COPS8: variants seen among roughly 807,000 people sequenced by gnomAD.
The protein encoded by COPS8 is COP9 signalosome complex subunit 8.
Under a neutral mutation model 31.5 loss-of-function variants are expected in COPS8, and 11 were observed. The observed-to-expected ratio is 0.35, with a 90% confidence interval of 0.22 to 0.58. The LOEUF (loss-of-function observed/expected upper bound fraction) is 0.58, where lower values mean the gene tolerates loss of function less well. COPS8 is among the 20% of genes least tolerant of loss of function. COPS8 has a pLI of 0.83. For missense variants in COPS8, 215 were observed against 255.1 expected, an observed-to-expected ratio of 0.84 and a Z score of 1.07; for synonymous variants, 81 against 89.3, an observed-to-expected ratio of 0.91 and a Z score of 0.52.
intron 7 of COPS8, among the ~76,000 whole-genome samples, chr2:237,097,367 T>C (rs542916222): frequency 2.4e-4 from 37 of 152,144 alleles, no homozygotes; most frequent in Non-Finnish European, 4.9e-4. Context: ...TTAAAAGACA[T>C]GTTGCATGAT....
Position 237,096,833 on chromosome 2 carries a change from C to T in COPS8, c.514C>T (p.Leu172=), listed in dbSNP as rs34344319. 6,696 of 1,610,890 alleles carry T rather than the reference C, an allele frequency of 4.2e-3. 60 individuals are homozygous for T. The highest frequency in any genetic ancestry group is 0.037 in the African/African-American group (2,733 of 74,660). ...TTTTTTGAATTTAGTTGCAGGGGCC[C>T]TGGATGTTTCCTTTAACAAGTTTAT... The part of the protein sequence containing the change: ...VLPRKPVAGA[L]DVSFNKFIPL... Residue 172 remains leucine, a synonymous_variant, in exon 7 of 8, where the codon CTG becomes TTG. Transcript: ENST00000354371.
chr2:237,089,549 A>G (rs1296930141), intron 3 of COPS8, among the ~76,000 whole-genome samples: 1 of 152,206 alleles, frequency 6.6e-6, no homozygotes, highest in Non-Finnish European at 1.5e-5. Context: ...TTTAAAAACA[A>G]TCCTTAAGCT....
chr2:237,096,240 C>G (rs1696798797), intron 6 of COPS8, among the ~76,000 whole-genome samples: 1 of 152,146 alleles, frequency 6.6e-6, no homozygotes, highest in African/African-American at 2.4e-5. Context: ...TCAACTGCCC[C>G]CCTTTTCTGT....
chr2:237,097,224 C>CTTTTTTTTTTTTTTTTTT (rs996251270), intron 7 of COPS8, among the ~76,000 whole-genome samples: 2 of 95,986 alleles, frequency 2.1e-5, no homozygotes, highest in Non-Finnish European at 4.4e-5. Context: ...TGTGGGTTTT[C>CTTTTTTTTTTTTTTTTTT]TTTTTTTTTT....
intron 6 of COPS8, 68 bp downstream of exon 6, chr2:237,095,952 T>C: frequency 1.8e-6 from 2 of 1,100,786 alleles, no homozygotes; most frequent in South Asian, 2.6e-5. Context: ...TTTTCAGTCT[T>C]TGGTTTTTGA....
At chr2:237,092,579 T>C (rs145094245) in intron 4 of COPS8, among the ~76,000 whole-genome samples, 8 of 152,338 alleles carry the variant, frequency 5.3e-5, no homozygotes, top group African/African-American at 1.9e-4. Context: ...CATTGTTGGC[T>C]CTTTTCCATT....
chr2:237,094,165 T>G lies in COPS8; in HGVS notation c.407T>G (p.Phe136Cys). 6.2e-7 allele frequency: 1 copy of G among 1,614,034 alleles called. No homozygotes were observed. The highest frequency in any genetic ancestry group is 1.1e-5 in the South Asian group (1 of 91,070). ...ATCATCGCCGATGATTTTGCAGCCTTTGTTGGACTTCCTGTAGAAGAGGCT... is the reference window on the plus strand; with the variant it reads ...ATCATCGCCGATGATTTTGCAGCCTGTGTTGGACTTCCTGTAGAAGAGGCT... ...TSIIADDFAA[F>C]VGLPVEEAVK... The change falls in exon 5 of 8, where the codon TTT becomes TGT. Residue 136 changes from phenylalanine to cysteine, a missense_variant. Coordinates refer to ENST00000354371, the MANE Select transcript of COPS8 (RefSeq NM_006710.5).
chr2:237,095,331 T>C (rs191694230), intron 5 of COPS8, among the ~76,000 whole-genome samples: 128 of 152,260 alleles, frequency 8.4e-4, no homozygotes, highest in African/African-American at 2.8e-3. Context: ...AACTTTATTT[T>C]CCATACCTGT....
In COPS8 at chr2:237,097,660, C is replaced by T; in HGVS notation, c.551-3C>T. ...GAAGTGTGTTTGTTTCTTTAACATA[C>T]AGAGCCTGCTCCAGTTCCCCCAATA... On this transcript the variant is annotated splice_polypyrimidine_tract_variant and splice_region_variant and intron_variant, in intron 7 of 7. Transcript: ENST00000354371. 1 of 1,611,192 alleles carries T rather than the reference C, an allele frequency of 6.2e-7. No homozygotes were observed. The highest frequency in any genetic ancestry group is 1.3e-5 in the African/African-American group (1 of 74,950).
At chr2:237,086,122 GT>G in intron 1 of COPS8, 80 bp downstream of exon 1, 1 of 1,341,574 alleles carries the variant, frequency 7.5e-7, no homozygotes, top group Non-Finnish European at 1.1e-6. Flanking sequence ...GGGTAACGGG[GT>G]CTGAGGCTAG....
Position 237,097,161 on chromosome 2 carries a change from C to T in COPS8, c.550+292C>T, listed in dbSNP as rs995235862. On this transcript the variant is annotated intron_variant, in intron 7 of 7. Transcript: ENST00000354371. ...AGTACTGTTATTCAGAAGGCGTCCC[C>T]AGGCTGACGTGTAGTAATTTAAATG... 4.0e-5 allele frequency among the ~76,000 whole-genome samples: 6 copies of T among 151,720 alleles called. No individual in the cohort carries two copies. In the East Asian group the frequency reaches 1.2e-3, roughly 29 times the overall value.
rs1696851488 is a variant in COPS8, at chr2:237,099,068, T to C, written c.*1326T>C. 1 of 152,188 alleles carries C rather than the reference T, an allele frequency of 6.6e-6. No individual in the cohort carries two copies. The highest frequency in any genetic ancestry group is 1.5e-5 in the Non-Finnish European group (1 of 68,028). 9.4% of individuals were successfully genotyped at this position (152,188 alleles called of 1,614,324 possible). On this transcript the variant is annotated 3_prime_UTR_variant, in exon 8 of 8. Coordinates refer to ENST00000354371, the MANE Select transcript of COPS8 (RefSeq NM_006710.5). ...TAAGTACAAATTGTATCCATGGTTA[T>C]TTTTTAAAAGCAGATTAGAGTCAAT...
intron 4 of COPS8, among the ~76,000 whole-genome samples, chr2:237,090,432 C>T (rs1159042412): frequency 5.3e-5 from 8 of 152,156 alleles, no homozygotes; most frequent in Admixed American, 5.2e-4. Context: ...TTTTTAATTG[C>T]TTTGAAAGAT....
chr2:237,090,920 T>G (rs1368458962), intron 4 of COPS8, among the ~76,000 whole-genome samples: 1 of 152,174 alleles, frequency 6.6e-6, no homozygotes, highest in Non-Finnish European at 1.5e-5. Context: ...ATTGCACAGG[T>G]ACAGCAGGGG....
rs1386364010 is a variant in COPS8 at position 237,099,145 on chromosome 2, G to A, written c.*1403G>A. ...TTGAATAAACAGCAGTGTAGACTACGCAGGTGTAAAAGGAGTGAAGATCTC... is the reference window on the plus strand; with the variant it reads ...TTGAATAAACAGCAGTGTAGACTACACAGGTGTAAAAGGAGTGAAGATCTC... On this transcript the variant is annotated 3_prime_UTR_variant, in exon 8 of 8. Transcript: ENST00000354371. 1.3e-5 allele frequency: 2 copies of A among 152,248 alleles called. No homozygotes were observed. Among genetic ancestry groups the A allele is most frequent in the South Asian group, 2.1e-4 (1 of 4,816 alleles). The allele number at this position is 152,248 out of a possible 1,614,324, so 9.4% of individuals were successfully genotyped here.
chr2:237,091,009 C>T, intron 4 of COPS8, among the ~76,000 whole-genome samples: 1 of 152,272 alleles, frequency 6.6e-6, no homozygotes, highest in Middle Eastern at 3.4e-3. Flanking sequence ...CCATAGTATC[C>T]TCGTGATTCA....
chr2:237,097,228 T>C (rs558130818), intron 7 of COPS8, among the ~76,000 whole-genome samples: 5 of 146,932 alleles, frequency 3.4e-5, no homozygotes, highest in Non-Finnish European at 5.9e-5. Context: ...GGTTTTCTTT[T>C]TTTTTTTTTT....
chr2:237,094,973 T>C (rs1212132550), intron 5 of COPS8, among the ~76,000 whole-genome samples: 2 of 152,024 alleles, frequency 1.3e-5, no homozygotes, highest in African/African-American at 4.8e-5. Context: ...ATCAAAAATA[T>C]ATATATATAT....
intron 6 of COPS8, among the ~76,000 whole-genome samples, chr2:237,096,476 G>C (rs1446928433): frequency 2.0e-5 from 3 of 152,162 alleles, no homozygotes; most frequent in Non-Finnish European, 1.5e-5. Flanking sequence ...GGTCTTTAGA[G>C]CCAAGCTTAA....
Sources: gnomAD v4.1 joint callset for allele counts (sites outside exome capture counted in the v4.1 genomes callset) on GRCh38, gnomAD v4.1.1 for gene constraint, MANE v1.5 for transcripts, NCBI Gene and HGNC (gene_info 2026-07-23, HGNC 2026-07-21) for gene names.